CFAP299: variants seen among roughly 807,000 people sequenced by gnomAD.
CFAP299 encodes the protein cilia and flagella associated protein 299.
In CFAP299, 21 loss-of-function variants were observed where a neutral mutation model predicts 27.0. The observed-to-expected ratio is 0.78, with a 90% CI of 0.55 to 1.12. The LOEUF (loss-of-function observed/expected upper bound fraction) is 1.12. CFAP299 is among the 50% of genes most tolerant of loss of function. The probability of loss-of-function intolerance (pLI) is 0.00; values close to 1 mark genes in which losing one functional copy is unlikely to be tolerated. For synonymous variants in CFAP299, 104 were observed against 98.1 expected (o/e 1.06, Z -0.36); for missense variants, 310 against 276.6 (o/e 1.12, Z -0.86).
At chr4:80,612,335 T>C (rs1560655670) in intron 3 of CFAP299, among the ~76,000 whole-genome samples, 1 of 151,876 alleles carries the variant, frequency 6.6e-6, no homozygotes, top group Non-Finnish European at 1.5e-5. Context: ...GTCACTAAAC[T>C]AAAAAAAATT....
At chr4:80,351,347 CA>C (rs1723006491) in intron 1 of CFAP299, among the ~76,000 whole-genome samples, 1 of 151,984 alleles carries the variant, frequency 6.6e-6, no homozygotes, top group African/African-American at 2.4e-5. Context: ...ACAACAATAG[CA>C]CAAAAGATAG....
At chr4:80,630,060 A>G (rs1739126744) in intron 3 of CFAP299, among the ~76,000 whole-genome samples, 1 of 152,116 alleles carries the variant, frequency 6.6e-6, no homozygotes. Context: ...TAGGACTGAG[A>G]ATTTTACCCA....
the CFAP299 span, among the ~76,000 whole-genome samples, chr4:80,321,580 G>C: frequency 1.3e-5 from 2 of 152,130 alleles, no homozygotes; most frequent in Non-Finnish European, 2.9e-5. Context: ...ACACCCTGCA[G>C]TACCTGAGCC....
At chr4:80,793,687 T>A (rs778623098) in intron 3 of CFAP299, among the ~76,000 whole-genome samples, 1 of 152,134 alleles carries the variant, frequency 6.6e-6, no homozygotes, top group Non-Finnish European at 1.5e-5. Context: ...TAACATCACT[T>A]AAATGCTGAT....
At chr4:80,345,073 G>GACAC (rs1722656310) in intron 1 of CFAP299, among the ~76,000 whole-genome samples, 1 of 152,090 alleles carries the variant, frequency 6.6e-6, no homozygotes, top group Non-Finnish European at 1.5e-5. Context: ...CATGAAAACT[G>GACAC]GCACAAGACA....
chr4:80,389,838 G>A (rs1282729182), intron 2 of CFAP299, among the ~76,000 whole-genome samples: 1 of 152,098 alleles, frequency 6.6e-6, no homozygotes, highest in African/African-American at 2.4e-5. Context: ...TGTTGAAATT[G>A]AGGCACAGAA....
intron 4 of CFAP299, 193 bp downstream of exon 4, chr4:80,870,328 A>AAAAG (rs1167822893): frequency 8.0e-7 from 1 of 1,249,406 alleles, no homozygotes; most frequent in Non-Finnish European, 1.0e-6. Context: ...CAGCCTGAGA[A>AAAAG]AAAGGATTCT....
intron 3 of CFAP299, among the ~76,000 whole-genome samples, chr4:80,788,654 A>T (rs992851751): frequency 1.3e-5 from 2 of 151,996 alleles, no homozygotes; most frequent in African/African-American, 4.8e-5. Flanking sequence ...TAGAGCTATG[A>T]ATAAATTTGT....
intron 3 of CFAP299, among the ~76,000 whole-genome samples, chr4:80,773,504 A>G (rs1194156944): frequency 2.0e-5 from 3 of 152,130 alleles, no homozygotes; most frequent in African/African-American, 4.8e-5. Context: ...GGAAAAACCC[A>G]TCTGATGTCT....
Position 80,924,540 on chromosome 4 carries a change from A to ATG in CFAP299, c.477-20269_477-20268insGT, listed in dbSNP as rs1285049620. 4.3e-3 allele frequency among the ~76,000 whole-genome samples: 408 copies of ATG among 94,104 alleles called. 2 individuals carry two copies. The highest frequency in any genetic ancestry group is 0.015 in the African/African-American group (376 of 25,302). 61.7% of individuals were successfully genotyped at this position (94,104 alleles called of 152,430 possible). ...TGTGTGTGTGTGTGTGTGTGTGTGTATATATATATATATATATATATATCT... is the reference window on the plus strand; with the variant it reads ...TGTGTGTGTGTGTGTGTGTGTGTGTATGTATATATATATATATATATATATCT... On this transcript the variant is annotated intron_variant, in intron 4 of 5. Transcript: ENST00000358105.
Position 80,800,073 on chromosome 4 carries a change from A to G in CFAP299, c.334-69920A>G, listed in dbSNP as rs1490564460. The stretch of plus-strand genomic sequence containing the variant: ...ATAAATGCTATAATATATATTATAT[A>G]AATAAAATATAAATATATATAATAT... On this transcript the variant is annotated intron_variant, in intron 3 of 5. Coordinates refer to ENST00000358105, the MANE Select transcript of CFAP299 (RefSeq NM_152770.3). Among the ~76,000 whole-genome samples, 176 of 69,322 alleles carry G rather than the reference A, an allele frequency of 2.5e-3. 1 individual carries two copies. The highest frequency in any genetic ancestry group is 0.01 in the African/African-American group (172 of 16,868). 45.5% of individuals were successfully genotyped at this position (69,322 alleles called of 152,430 possible).
At chr4:80,764,947 G>A (rs899517722) in intron 3 of CFAP299, among the ~76,000 whole-genome samples, 2 of 152,228 alleles carry the variant, frequency 1.3e-5, no homozygotes, top group Middle Eastern at 3.4e-3. Flanking sequence ...GAGGGGTTGG[G>A]GGGCAAAGGG....
rs758242638 is a variant in CFAP299 at position 80,963,622 on chromosome 4, T to A, written c.*10T>A. The A allele has an allele frequency of 5.9e-6, 9 of 1,525,706 alleles. No individual in the cohort carries two copies. The highest frequency in any genetic ancestry group is 2.8e-5 in the African/African-American group (2 of 72,668). 94.5% of individuals were successfully genotyped at this position (1,525,706 alleles called of 1,614,324 possible). ...CAGAAGGAAGACTTAAGTACCAACA[T>A]GTTAATTTCCTAATAATTTGCTAAA... On this transcript the variant is annotated 3_prime_UTR_variant, in exon 6 of 6. Coordinates refer to ENST00000358105, the MANE Select transcript of CFAP299 (RefSeq NM_152770.3).
At chr4:80,771,274 T>A (rs1390893429) in intron 3 of CFAP299, among the ~76,000 whole-genome samples, 1 of 152,130 alleles carries the variant, frequency 6.6e-6, no homozygotes, top group Non-Finnish European at 1.5e-5. Context: ...CCAGCATAGA[T>A]GTTTATGCTT....
At chr4:80,684,417 C>T (rs1720047292) in intron 3 of CFAP299, among the ~76,000 whole-genome samples, 1 of 152,052 alleles carries the variant, frequency 6.6e-6, no homozygotes, top group African/African-American at 2.4e-5. Flanking sequence ...GCGCCTGCTA[C>T]CACGCCCGAC....
intron 3 of CFAP299, among the ~76,000 whole-genome samples, chr4:80,820,018 TAA>T (rs1194406913): frequency 1.3e-5 from 2 of 152,128 alleles, no homozygotes; most frequent in African/African-American, 2.4e-5. Context: ...TGAAAAGTGA[TAA>T]GAGAACAGCA....
At chr4:80,873,117 G>A (rs1295723234) in intron 4 of CFAP299, 1 of 538,336 alleles carries the variant, frequency 1.9e-6, no homozygotes, top group African/African-American at 2.1e-5. Context: ...TAACTGCCCA[G>A]TATTAATATA....
intron 4 of CFAP299, among the ~76,000 whole-genome samples, chr4:80,938,356 G>A (rs546197231): frequency 2.6e-5 from 4 of 152,290 alleles, no homozygotes; most frequent in East Asian, 1.9e-4. Context: ...CACCCAGGGC[G>A]GAAAACTGCT....
intron 2 of CFAP299, among the ~76,000 whole-genome samples, chr4:80,558,806 A>G (rs990864814): frequency 2.0e-4 from 31 of 152,166 alleles, no homozygotes; most frequent in Non-Finnish European, 4.4e-4. Context: ...ATAATAGAGA[A>G]ATAAGTAAAA....
Sources: gnomAD v4.1 joint callset for allele counts (sites outside exome capture counted in the v4.1 genomes callset) on GRCh38, gnomAD v4.1.1 for gene constraint, MANE v1.5 for transcripts, NCBI Gene and HGNC (gene_info 2026-07-23, HGNC 2026-07-21) for gene names.